JAKMIP1: variants seen among roughly 807,000 people sequenced by gnomAD.
The protein encoded by JAKMIP1 is janus kinase and microtubule-interacting protein 1.
In JAKMIP1, 33 loss-of-function variants were observed where a neutral mutation model predicts 113.0. The observed-to-expected ratio is 0.29, with a 90% CI of 0.22 to 0.39. JAKMIP1 has a LOEUF of 0.39. Ranked by LOEUF, JAKMIP1 falls within the 10% of genes least tolerant of loss-of-function variation. The probability of loss-of-function intolerance (pLI) is 1.00; values close to 1 mark genes in which losing one functional copy is unlikely to be tolerated. For synonymous variants in JAKMIP1, 480 were observed against 459.9 expected, an observed-to-expected ratio of 1.04 and a Z score of -0.56; for missense variants, 813 against 1,080.5, an observed-to-expected ratio of 0.75 and a Z score of 3.47.
chr4:6,175,152 G>A (rs1341006006), intron 1 of JAKMIP1, among the ~76,000 whole-genome samples: 1 of 152,004 alleles, frequency 6.6e-6, no homozygotes, highest in Non-Finnish European at 1.5e-5. Context: ...AACATCAGGG[G>A]GCAGCAACAC....
chr4:6,033,669 C>T (rs555883109), intron 19 of JAKMIP1, among the ~76,000 whole-genome samples: 46 of 152,226 alleles, frequency 3.0e-4, no homozygotes, highest in Middle Eastern at 6.8e-3. Context: ...CTGTCTGACC[C>T]GAGAGCCTAT....
At chr4:6,062,197 C>G (rs1053239403) in intron 10 of JAKMIP1, 115 bp downstream of exon 10, 6 of 1,138,540 alleles carry the variant, frequency 5.3e-6, no homozygotes, top group African/African-American at 3.0e-5. Context: ...GGTTCCCCAC[C>G]ACCTCTCAGA....
At position 6,194,268 on chromosome 4, in the gene JAKMIP1, T is replaced by C. The variant is rs34091877; in HGVS notation, c.-148+5985A>G. ...CAGTAAATGCCACCGAATTGTACCATTGAAAACGGTTTACAGTAAATGAAT... is the reference window on the plus strand; with the variant it reads ...CAGTAAATGCCACCGAATTGTACCACTGAAAACGGTTTACAGTAAATGAAT... On this transcript the variant is annotated intron_variant, in intron 1 of 20. Coordinates refer to ENST00000409021, the MANE Select transcript of JAKMIP1 (RefSeq NM_001099433.2). This position sits in a 1 kb window ranked among gnomAD's most constrained non-coding sequence, Gnocchi z 7.4. Among the ~76,000 whole-genome samples the C allele has an allele frequency of 0.024, 3,693 of 152,168 alleles. 45 individuals are homozygous for C. The highest frequency in any genetic ancestry group is 0.028 in the Non-Finnish European group (1,936 of 68,012).
In JAKMIP1 at chr4:6,139,164, C is replaced by G. The variant is rs567870414; in HGVS notation, c.-147-26167G>C. 3.3e-5 allele frequency among the ~76,000 whole-genome samples: 5 copies of G among 152,136 alleles called. No individual in the cohort carries two copies. In the South Asian group the frequency reaches 1.0e-3, roughly 32 times the overall value. On this transcript the variant is annotated intron_variant, in intron 1 of 20. Transcript: ENST00000409021. The surrounding 1 kb of genome is among the most constrained non-coding windows in gnomAD (Gnocchi z 5.2). ...CTTATGCCTGAGCCCCACTTTCCCC[C>G]TGAATTTTAACCTGCTTTGGGAGGG...
rs1189151073 is a variant in JAKMIP1 at position 6,080,601 on chromosome 4, T to A, written c.1102-289A>T. ...TGTGAATAAGTCTCTGATGTTTTTA[T>A]AAGGGTTTTCCCCTTTTACTTGGCT... On this transcript the variant is annotated intron_variant, in intron 6 of 20. Transcript: ENST00000409021. This position sits in a 1 kb window ranked among gnomAD's most constrained non-coding sequence, Gnocchi z 6.0. 6.6e-6 allele frequency among the ~76,000 whole-genome samples: 1 copy of A among 152,176 alleles called. No homozygotes were observed. The highest frequency in any genetic ancestry group is 6.5e-5 in the Admixed American group (1 of 15,276).
chr4:6,063,303 A>G (rs919385622), intron 9 of JAKMIP1, among the ~76,000 whole-genome samples: 1 of 152,242 alleles, frequency 6.6e-6, no homozygotes, highest in Non-Finnish European at 1.5e-5. Flanking sequence ...GGATGAGGCA[A>G]TCCCATGTTC....
In JAKMIP1 at chr4:6,086,007, T is replaced by G. The variant is rs1178443311; in HGVS notation, c.625-378A>C. On this transcript the variant is annotated intron_variant, in intron 3 of 20. Transcript: ENST00000409021. The surrounding 1 kb of genome is among the most constrained non-coding windows in gnomAD (Gnocchi z 4.1). ...GCTTCTCTCTCCGTCTCCAGGACCA[T>G]GTCTCCCTCTCAGTCATTGACCCTC... Among the ~76,000 whole-genome samples the G allele has an allele frequency of 6.6e-6, 1 of 151,990 alleles. No individual in the cohort carries two copies.
intron 19 of JAKMIP1, among the ~76,000 whole-genome samples, chr4:6,034,511 T>A (rs1415474524): frequency 6.6e-6 from 1 of 152,174 alleles, no homozygotes; most frequent in Non-Finnish European, 1.5e-5. Context: ...GGTCAAATAT[T>A]CTAGATGTTG....
chr4:6,103,320 T>C (rs1713394232), intron 3 of JAKMIP1, among the ~76,000 whole-genome samples: 1 of 152,236 alleles, frequency 6.6e-6, no homozygotes, highest in Non-Finnish European at 1.5e-5. Flanking sequence ...TCAGTGATTT[T>C]AGAATATGAA....
intron 7 of JAKMIP1, among the ~76,000 whole-genome samples, chr4:6,079,386 G>A (rs1020174726): frequency 2.6e-5 from 4 of 152,098 alleles, no homozygotes; most frequent in Non-Finnish European, 5.9e-5. Flanking sequence ...GTGAAAGGAA[G>A]AAAGAGAGAA....
chr4:6,084,804 T>C (rs1294589317), intron 5 of JAKMIP1, 42 bp downstream of exon 5: 1 of 1,589,840 alleles, frequency 6.3e-7, no homozygotes, highest in East Asian at 2.2e-5. Context: ...GGCCCCTTCC[T>C]TGCACCCTAT....
intron 1 of JAKMIP1, among the ~76,000 whole-genome samples, chr4:6,152,282 C>G (rs929144474): frequency 6.6e-6 from 1 of 152,210 alleles, no homozygotes; most frequent in Admixed American, 6.5e-5. Flanking sequence ...TGACCTCCCA[C>G]TGGGACTCTG....
chr4:6,105,776 C>T lies in JAKMIP1; in HGVS notation c.321G>A (p.Glu107=), dbSNP rs765643762. 1.5e-5 allele frequency: 24 copies of T among 1,606,366 alleles called. No individual in the cohort carries two copies. The highest frequency in any genetic ancestry group is 1.9e-5 in the Non-Finnish European group (22 of 1,179,078). The change falls in exon 3 of 21, where the codon GAG becomes GAA. Residue 107 remains glutamate, a synonymous_variant. Coordinates refer to ENST00000409021, the MANE Select transcript of JAKMIP1 (RefSeq NM_001099433.2). ...TGGCCTGCAGCCGCTGCAGCTCGCCCTCCTTGATCTTGGCGGTGCGCGCCG... is the reference window on the plus strand; with the variant it reads ...TGGCCTGCAGCCGCTGCAGCTCGCCTTCCTTGATCTTGGCGGTGCGCGCCG... ...QEAARTAKIK[E]GELQRLQATL...
At chr4:6,036,337 A>G (rs150950053) in intron 18 of JAKMIP1, among the ~76,000 whole-genome samples, 3 of 152,354 alleles carry the variant, frequency 2.0e-5, no homozygotes, top group African/African-American at 7.2e-5. Context: ...AGATGCCCCT[A>G]CTATGCACAA....
intron 1 of JAKMIP1, among the ~76,000 whole-genome samples, chr4:6,198,416 G>A (rs1198383475): frequency 1.3e-5 from 2 of 152,294 alleles, no homozygotes; most frequent in Non-Finnish European, 1.5e-5. Flanking sequence ...GGCAGGGAGA[G>A]GGGAGAGATG....
At chr4:6,037,067 T>G (rs1018699240) in intron 18 of JAKMIP1, among the ~76,000 whole-genome samples, 11 of 113,796 alleles carry the variant, frequency 9.7e-5, no homozygotes, top group African/African-American at 2.2e-4. Flanking sequence ...CATCACTGAG[T>G]CAGAGGTTAA....
At chr4:6,038,079 T>C (rs1234643621) in intron 18 of JAKMIP1, among the ~76,000 whole-genome samples, 31 of 109,034 alleles carry the variant, frequency 2.8e-4, no homozygotes, top group East Asian at 5.5e-4. Context: ...GAGGCAGAGG[T>C]TAACCCAGTA....
At chr4:6,120,390 A>G (rs1193971400) in intron 1 of JAKMIP1, among the ~76,000 whole-genome samples, 1 of 152,228 alleles carries the variant, frequency 6.6e-6, no homozygotes, top group Non-Finnish European at 1.5e-5. Flanking sequence ...GGAAAGAGCA[A>G]TCTGCCTAAA....
rs1035595027 is a variant in JAKMIP1 at position 6,080,852 on chromosome 4, G to A, written c.1102-540C>T. Reference sequence around the variant, plus strand: ...AGGGCAGACCAAAGCCAAGCCCAAGGTGGGGCTGACCATGCACACTGCTGA... The same window carrying A: ...AGGGCAGACCAAAGCCAAGCCCAAGATGGGGCTGACCATGCACACTGCTGA... On this transcript the variant is annotated intron_variant, in intron 6 of 20. Coordinates refer to ENST00000409021, the MANE Select transcript of JAKMIP1 (RefSeq NM_001099433.2). The surrounding 1 kb of genome is among the most constrained non-coding windows in gnomAD (Gnocchi z 6.0). Among the ~76,000 whole-genome samples the A allele has an allele frequency of 1.3e-5, 2 of 152,150 alleles. No homozygotes were observed. The highest frequency in any genetic ancestry group is 2.4e-5 in the African/African-American group (1 of 41,418).
Sources: allele counts gnomAD v4.1 joint callset (sites outside exome capture counted in the v4.1 genomes callset), GRCh38; gene constraint gnomAD v4.1.1; non-coding constraint Gnocchi (gnomAD v3.1); transcripts MANE v1.5; gene names NCBI Gene and HGNC (gene_info 2026-07-23, HGNC 2026-07-21).